NKAIN2: variants seen among roughly 807,000 people sequenced by gnomAD.
NKAIN2 encodes the protein sodium/potassium transporting ATPase interacting 2, also known as sodium/potassium-transporting ATPase subunit beta-1-interacting protein 2.
A neutral mutation model predicts 32.6 loss-of-function variants in NKAIN2; 14 were observed. The observed-to-expected ratio is 0.43, with a 90% CI of 0.28 to 0.67. NKAIN2 has a LOEUF of 0.67. NKAIN2 is among the 30% of genes least tolerant of loss of function. The pLI is 0.17. For synonymous variants in NKAIN2, 80 were observed against 87.2 expected, an observed-to-expected ratio of 0.92 and a Z score of 0.46; for missense variants, 198 against 258.3, an observed-to-expected ratio of 0.77 and a Z score of 1.60.
chr6:124,338,860 A>T (rs987786332), intron 2 of NKAIN2, among the ~76,000 whole-genome samples: 1 of 152,158 alleles, frequency 6.6e-6, no homozygotes, highest in Middle Eastern at 3.2e-3. Context: ...GGAGTGAATC[A>T]ATTTTGAAAT....
chr6:124,304,326 G>A (rs186444239), intron 2 of NKAIN2, among the ~76,000 whole-genome samples: 23 of 152,142 alleles, frequency 1.5e-4, no homozygotes, highest in Non-Finnish European at 2.9e-4. Flanking sequence ...TTATTAATCC[G>A]TTTTCAGTCA....
At chr6:124,616,841 T>TC in intron 3 of NKAIN2, among the ~76,000 whole-genome samples, 1 of 152,146 alleles carries the variant, frequency 6.6e-6, no homozygotes, top group East Asian at 1.9e-4. Context: ...ATAGCACTGA[T>TC]AGTGCTATGC....
In NKAIN2 at chr6:124,825,300, AT is replaced by A. The variant is rs1272548415; in HGVS notation, c.*2072del. On this transcript the variant is annotated 3_prime_UTR_variant, in exon 7 of 7. Coordinates refer to ENST00000368417, the MANE Select transcript of NKAIN2 (RefSeq NM_001040214.3). ...TAAGTTACAGCCAAGTTTTCACCAA[AT>A]CACAACTATCATCACCACCAAAATT... 6.6e-6 allele frequency: 1 copy of A among 152,600 alleles called. No homozygotes were observed. The highest frequency in any genetic ancestry group is 1.5e-5 in the Non-Finnish European group (1 of 68,030). 9.5% of individuals were successfully genotyped at this position (152,600 alleles called of 1,614,324 possible). A position where few individuals can be genotyped will look rare whatever the true frequency, so the allele number is the denominator to read the frequency against.
chr6:124,311,189 T>A (rs1796696180), intron 2 of NKAIN2, among the ~76,000 whole-genome samples: 1 of 152,122 alleles, frequency 6.6e-6, no homozygotes, highest in Non-Finnish European at 1.5e-5. Context: ...ACTTCCACTG[T>A]GACCCCCATC....
intron 1 of NKAIN2, among the ~76,000 whole-genome samples, chr6:123,959,189 C>T (rs767422194): frequency 6.6e-6 from 1 of 152,190 alleles, no homozygotes; most frequent in Non-Finnish European, 1.5e-5. Flanking sequence ...GGATAGCATT[C>T]TCCCTTTGGA....
chr6:124,286,004 T>G (rs1210127813), intron 2 of NKAIN2, among the ~76,000 whole-genome samples: 1 of 152,172 alleles, frequency 6.6e-6, no homozygotes, highest in Non-Finnish European at 1.5e-5. Flanking sequence ...ATTTGCCATA[T>G]TTTCTCTGTA....
At chr6:124,711,182 G>A (rs1272705064) in intron 4 of NKAIN2, among the ~76,000 whole-genome samples, 7 of 137,138 alleles carry the variant, frequency 5.1e-5, no homozygotes, top group East Asian at 2.1e-4. Flanking sequence ...GGCTTGTAGC[G>A]TTTCTGCTGA....
intron 3 of NKAIN2, among the ~76,000 whole-genome samples, chr6:124,522,866 G>A (rs1277777402): frequency 2.6e-5 from 4 of 151,950 alleles, no homozygotes; most frequent in East Asian, 1.9e-4. Flanking sequence ...ATCTTTGGCC[G>A]GGCGCGGTGG....
At chr6:123,982,186 G>A (rs796867747) in intron 1 of NKAIN2, among the ~76,000 whole-genome samples, 13 of 152,072 alleles carry the variant, frequency 8.5e-5, no homozygotes, top group African/African-American at 3.1e-4. Context: ...AGATACATGC[G>A]AGGCAGACCC....
At chr6:124,562,477 TCTTAAA>T (rs1419998477) in intron 3 of NKAIN2, among the ~76,000 whole-genome samples, 18 of 152,338 alleles carry the variant, frequency 1.2e-4, no homozygotes, top group African/African-American at 4.1e-4. Context: ...GAACAGAGGT[TCTTAAA>T]CTTTTTGTTC....
At chr6:124,149,860 C>A (rs115913219) in intron 1 of NKAIN2, among the ~76,000 whole-genome samples, 1,789 of 152,214 alleles carry the variant, frequency 0.012, 31 homozygotes, top group African/African-American at 0.041. Context: ...CAGACAGCAG[C>A]CCCTAGAAGC....
chr6:124,058,526 T>C (rs538250574), intron 1 of NKAIN2, among the ~76,000 whole-genome samples: 1 of 152,122 alleles, frequency 6.6e-6, no homozygotes, highest in East Asian at 1.9e-4. Context: ...CATCCAATAT[T>C]AGTAGGCACC....
chr6:124,792,419 T>C (rs1299408829), intron 5 of NKAIN2, among the ~76,000 whole-genome samples: 2 of 151,968 alleles, frequency 1.3e-5, no homozygotes, highest in Non-Finnish European at 2.9e-5. Flanking sequence ...ATACAGTATA[T>C]AATTTATTTC....
At chr6:123,939,049 A>G (rs942265739) in intron 1 of NKAIN2, among the ~76,000 whole-genome samples, 3 of 151,982 alleles carry the variant, frequency 2.0e-5, no homozygotes, top group African/African-American at 7.2e-5. Context: ...GATTTTCAGA[A>G]CAGATTACGA....
In NKAIN2 at chr6:124,244,994, G is replaced by T. The variant is rs529780179; in HGVS notation, c.55-38011G>T. Among the ~76,000 whole-genome samples, 16 of 152,170 alleles carry T rather than the reference G, an allele frequency of 1.1e-4. No individual in the cohort carries two copies. In the East Asian group the frequency reaches 2.7e-3, roughly 26 times the overall value. ...TCAGCCACTTATATATATTCCTAGT[G>T]CATGTTGGCTCCATCCTCAAAGTAT... is the stretch of plus-strand genomic sequence containing the variant. On this transcript the variant is annotated intron_variant, in intron 1 of 6. Coordinates refer to ENST00000368417, the MANE Select transcript of NKAIN2 (RefSeq NM_001040214.3).
intron 1 of NKAIN2, among the ~76,000 whole-genome samples, chr6:123,970,487 C>T (rs902862467): frequency 2.0e-5 from 3 of 152,120 alleles, no homozygotes; most frequent in Admixed American, 1.3e-4. Flanking sequence ...CCAGAATCAG[C>T]CTTTGACTTT....
At chr6:124,549,981 T>C (rs1329786225) in intron 3 of NKAIN2, among the ~76,000 whole-genome samples, 2 of 152,230 alleles carry the variant, frequency 1.3e-5, no homozygotes, top group Non-Finnish European at 1.5e-5. Context: ...GGAGATACTT[T>C]GAGACCACGC....
intron 3 of NKAIN2, among the ~76,000 whole-genome samples, chr6:124,593,205 T>TTGGGTGTGTG (rs1781972398): frequency 6.7e-6 from 1 of 149,898 alleles, no homozygotes; most frequent in Admixed American, 6.6e-5. Context: ...GATGAGAGTT[T>TTGGGTGTGTG]TGTGTGTGTG....
At chr6:124,225,727 A>T (rs1050297486) in intron 1 of NKAIN2, among the ~76,000 whole-genome samples, 8 of 152,084 alleles carry the variant, frequency 5.3e-5, no homozygotes, top group African/African-American at 1.9e-4. Flanking sequence ...TATACCTATA[A>T]AAACATAAAC....
Sources: allele counts gnomAD v4.1 joint callset (sites outside exome capture counted in the v4.1 genomes callset), GRCh38; gene constraint gnomAD v4.1.1; transcripts MANE v1.5; gene names NCBI Gene and HGNC (gene_info 2026-07-23, HGNC 2026-07-21).